DNAH5: variants seen among roughly 807,000 people sequenced by gnomAD.
The protein encoded by DNAH5 is dynein axonemal heavy chain 5, also known as axonemal beta dynein heavy chain 5.
DNAH5 carries 372 observed loss-of-function variants against 518.2 expected under a neutral mutation model. That is an observed-to-expected ratio of 0.72 (90% CI 0.66 to 0.78). The LOEUF (loss-of-function observed/expected upper bound fraction) is 0.78. DNAH5 is among the 30% of genes least tolerant of loss of function. The pLI, the probability that DNAH5 is intolerant of heterozygous loss-of-function variation, is 0.00. For synonymous variants in DNAH5, 2,039 were observed against 2,025.9 expected (o/e 1.01, Z -0.17); for missense variants, 5,523 against 5,687.0 (o/e 0.97, Z 0.93).
Position 13,841,721 on chromosome 5 carries a change from T to C in DNAH5, c.5455A>G (p.Thr1819Ala). The C allele has an allele frequency of 6.2e-7, 1 of 1,613,846 alleles. No individual in the cohort carries two copies. Among genetic ancestry groups the C allele is most frequent in the Non-Finnish European group, 8.5e-7 (1 of 1,179,760 alleles). ...ANIQETGFQL[T>A]EFLSSFPAQV... ...GCAGGGAAGGATGAAAGAAATTCAG[T>C]TAGTTGGAAACCTGTTTCTTGAATA... Residue 1819 changes from threonine to alanine, a missense_variant, in exon 33 of 79, where the codon ACT becomes GCT. Physicochemically the swap from Thr to Ala is moderately conservative, Grantham distance 58. Around this residue, in one of 3 missense-constraint regions of DNAH5, gnomAD observed 5,121 missense variants for 5,223.3 expected, o/e 0.98. Transcript: ENST00000265104.
intron 61 of DNAH5, among the ~76,000 whole-genome samples, chr5:13,754,593 C>T (rs1457659195): frequency 6.6e-6 from 1 of 152,090 alleles, no homozygotes; most frequent in East Asian, 1.9e-4. Context: ...GGCTGCAGTG[C>T]AATGGCATGA....
chr5:13,931,295 A>T (rs1431482784), intron 1 of DNAH5, 51 bp from the exon 2 acceptor site: 2 of 1,609,652 alleles, frequency 1.2e-6, no homozygotes, highest in East Asian at 4.5e-5. Context: ...TCTCAAGTGG[A>T]TTCATTTTGT....
chr5:13,944,199 T>A (rs1189067051), intron 1 of DNAH5, among the ~76,000 whole-genome samples, 183 bp downstream of exon 1: 1 of 152,162 alleles, frequency 6.6e-6, no homozygotes, highest in African/African-American at 2.4e-5. Context: ...AGATGCAAAA[T>A]TTTTTTTATT....
At chr5:13,809,976 A>T in intron 45 of DNAH5, 83 bp downstream of exon 45, 1 of 1,336,096 alleles carries the variant, frequency 7.5e-7, no homozygotes, top group Non-Finnish European at 1.0e-6. Flanking sequence ...TCTCATTTAG[A>T]AAAAATATAT....
chr5:13,919,208 C>G lies in DNAH5; in HGVS notation c.943G>C (p.Val315Leu). The change falls in exon 7 of 79, where the codon GTG becomes CTG. Residue 315 changes from valine to leucine, a missense_variant. By Grantham distance (32) the Val-to-Leu change is conservative. This residue lies in a region of DNAH5 where 5,121 missense variants were observed against 5,223.3 expected (regional missense o/e 0.98). Coordinates refer to ENST00000265104, the MANE Select transcript of DNAH5 (RefSeq NM_001369.3). Reference sequence around the variant, plus strand: ...AGTTTCGACTTGGCCGCCGCAAGCACTGCCAGCACAGCCTTCACATCCGGG... The same window carrying G: ...AGTTTCGACTTGGCCGCCGCAAGCAGTGCCAGCACAGCCTTCACATCCGGG... ...KSPDVKAVLA[V>L]LAAAKSKLLK... 1 of 1,614,060 alleles carries G rather than the reference C, an allele frequency of 6.2e-7. No individual in the cohort carries two copies. Among genetic ancestry groups the G allele is most frequent in the South Asian group, 1.1e-5 (1 of 91,080 alleles).
chr5:13,708,703 A>T (rs1743118256), intron 75 of DNAH5, among the ~76,000 whole-genome samples: 1 of 151,954 alleles, frequency 6.6e-6, no homozygotes, highest in Admixed American at 6.6e-5. Flanking sequence ...GCAAACATGT[A>T]CACACACACA....
At chr5:14,009,128 T>C (rs1026027747) in intron 1 of DNAH5, among the ~76,000 whole-genome samples, 4 of 152,252 alleles carry the variant, frequency 2.6e-5, no homozygotes, top group African/African-American at 9.6e-5. Context: ...CAACTCTTTT[T>C]TTGTCTGTTT....
At chr5:13,962,557 G>A (rs1177933728) in intron 1 of DNAH5, among the ~76,000 whole-genome samples, 1 of 152,188 alleles carries the variant, frequency 6.6e-6, no homozygotes, top group Non-Finnish European at 1.5e-5. Context: ...ACTGCAGTTA[G>A]AGAAGACAGA....
intron 30 of DNAH5, among the ~76,000 whole-genome samples, chr5:13,858,675 T>C (rs2151898185): frequency 6.6e-6 from 1 of 152,342 alleles, no homozygotes; most frequent in South Asian, 2.1e-4. Context: ...GTGAATACAT[T>C]TCACTATTGC....
chr5:13,755,323 T>A (rs1292179459), intron 61 of DNAH5, among the ~76,000 whole-genome samples: 1 of 152,198 alleles, frequency 6.6e-6, no homozygotes, highest in Non-Finnish European at 1.5e-5. Context: ...TTATAGTGTA[T>A]CCATGAATAA....
chr5:13,996,139 ATGGCTTTCTGGCTTTC>A (rs145062784), intron 1 of DNAH5, among the ~76,000 whole-genome samples: 2 of 152,234 alleles, frequency 1.3e-5, no homozygotes, highest in African/African-American at 4.8e-5. Flanking sequence ...TTCCCATACA[ATGGCTTTCTGGCTTTC>A]TGGCTTTCTG....
intron 17 of DNAH5, among the ~76,000 whole-genome samples, chr5:13,886,677 G>A (rs1420981909): frequency 6.6e-6 from 1 of 152,172 alleles, no homozygotes; most frequent in Admixed American, 6.5e-5. Flanking sequence ...TTACCACCTG[G>A]TTGGAAAGTA....
Position 13,721,248 on chromosome 5 carries a change from G to T in DNAH5, c.12034-3C>A. The stretch of plus-strand genomic sequence containing the variant: ...GAGTCCACGATGTACTTGCGGGCCT[G>T]CCAAAAACAGTATACAAGTCAGTAA... On this transcript the variant is annotated splice_polypyrimidine_tract_variant and splice_region_variant and intron_variant, in intron 70 of 78. Coordinates refer to ENST00000265104, the MANE Select transcript of DNAH5 (RefSeq NM_001369.3). 1 of 1,614,008 alleles carries T rather than the reference G, an allele frequency of 6.2e-7. No homozygotes were observed. Among genetic ancestry groups the T allele is most frequent in the Non-Finnish European group, 8.5e-7 (1 of 1,179,950 alleles).
chr5:13,977,048 G>A (rs1024954393), intron 1 of DNAH5, among the ~76,000 whole-genome samples: 79 of 152,250 alleles, frequency 5.2e-4, no homozygotes, highest in African/African-American at 1.8e-3. Context: ...TCCACAAGGT[G>A]GGGCTACTCC....
rs181282603 is a variant in DNAH5 at position 13,707,060 on chromosome 5, C to T, written c.13338+1063G>A. On this transcript the variant is annotated intron_variant, in intron 76 of 78. Transcript: ENST00000265104. This position sits in a 1 kb window ranked among gnomAD's most constrained non-coding sequence, Gnocchi z 4.0. ...CCCATATAAACCCAAGGGACCATAGCGGGCACACACACAAGTGGCTGGATG... is the reference window on the plus strand; with the variant it reads ...CCCATATAAACCCAAGGGACCATAGTGGGCACACACACAAGTGGCTGGATG... 7.7e-4 allele frequency among the ~76,000 whole-genome samples: 117 copies of T among 152,298 alleles called. 1 individual carries two copies. The highest frequency in any genetic ancestry group is 2.6e-3 in the African/African-American group (109 of 41,580).
intron 63 of DNAH5, 37 bp from the exon 64 acceptor site, chr5:13,752,326 T>C (rs761381476): frequency 6.2e-7 from 1 of 1,611,562 alleles, no homozygotes; most frequent in Non-Finnish European, 8.5e-7. Flanking sequence ...TTGGCAGACA[T>C]TACCATGAAG....
intron 59 of DNAH5, among the ~76,000 whole-genome samples, chr5:13,764,605 T>C (rs539014075): frequency 2.6e-5 from 4 of 152,302 alleles, no homozygotes; most frequent in African/African-American, 7.2e-5. Flanking sequence ...GGTATATATA[T>C]AGATACATCA....
At chr5:13,951,055 G>C (rs923322992) in intron 1 of DNAH5, among the ~76,000 whole-genome samples, 6 of 151,990 alleles carry the variant, frequency 3.9e-5, no homozygotes, top group Non-Finnish European at 8.8e-5. Flanking sequence ...AAAGCATTAG[G>C]AGCTGATGGT....
At chr5:13,938,584 T>C (rs1779173647) in intron 1 of DNAH5, among the ~76,000 whole-genome samples, 1 of 151,660 alleles carries the variant, frequency 6.6e-6, no homozygotes, top group South Asian at 2.1e-4. Context: ...TATATATACA[T>C]ATATATGAAA....
Sources: allele counts gnomAD v4.1 joint callset (sites outside exome capture counted in the v4.1 genomes callset), GRCh38; gene constraint gnomAD v4.1.1; regional missense constraint gnomAD v4.1.1; non-coding constraint Gnocchi (gnomAD v3.1); transcripts MANE v1.5; gene names NCBI Gene and HGNC (gene_info 2026-07-23, HGNC 2026-07-21).